GAB1: variants seen among roughly 807,000 people sequenced by gnomAD.
GAB1 encodes the protein GRB2 associated binding protein 1.
Under a neutral mutation model 66.5 loss-of-function variants are expected in GAB1, and 19 were observed. The ratio of observed to expected loss-of-function variants is 0.29; its 90% CI spans 0.20 to 0.42. The LOEUF is 0.42. Among genes scored for constraint, GAB1 ranks in the 10% least tolerant of loss-of-function variants. The pLI is 1.00. For synonymous variants in GAB1, 294 were observed against 301.4 expected (o/e 0.98, Z 0.25); for missense variants, 732 against 858.5 (o/e 0.85, Z 1.84).
chr4:143,337,906 C>G (rs148999474), intron 1 of GAB1, among the ~76,000 whole-genome samples: 5 of 152,272 alleles, frequency 3.3e-5, no homozygotes, highest in African/African-American at 1.2e-4. Flanking sequence ...GGCCCGGGAG[C>G]CTTGGCGGTT....
At chr4:143,363,191 C>G (rs954558311) in intron 1 of GAB1, among the ~76,000 whole-genome samples, 1 of 152,182 alleles carries the variant, frequency 6.6e-6, no homozygotes, top group Non-Finnish European at 1.5e-5. Flanking sequence ...GCACAGATAA[C>G]CTCCTTGATT....
intron 6 of GAB1, among the ~76,000 whole-genome samples, chr4:143,448,406 G>C (rs1191487197): frequency 1.3e-5 from 2 of 151,848 alleles, no homozygotes. Context: ...ATTCAGCTGT[G>C]AATCCATCTG....
intron 1 of GAB1, chr4:143,349,488 G>A: frequency 1.3e-6 from 2 of 1,521,912 alleles, no homozygotes; most frequent in Non-Finnish European, 1.8e-6. Context: ...GGGCTGGGGT[G>A]TAGCAGTCAT....
At chr4:143,391,464 A>G (rs1177398748) in intron 1 of GAB1, 1 of 152,244 alleles carries the variant, frequency 6.6e-6, no homozygotes, top group African/African-American at 2.4e-5. Context: ...GGGCAACAAG[A>G]AAGGCTTACT....
chr4:143,446,175 T>C (rs1734514657), intron 6 of GAB1, among the ~76,000 whole-genome samples: 1 of 152,112 alleles, frequency 6.6e-6, no homozygotes, highest in Non-Finnish European at 1.5e-5. Context: ...TGCCACATTT[T>C]CTTAATCCAG....
chr4:143,472,545 C>G lies in GAB1; in HGVS notation c.*3356C>G, dbSNP rs745911937. 2 of 152,180 alleles carry G rather than the reference C, an allele frequency of 1.3e-5. No individual in the cohort carries two copies. The highest frequency in any genetic ancestry group is 2.9e-5 in the Non-Finnish European group (2 of 68,036). The allele number at this position is 152,180 out of a possible 1,614,324, so 9.4% of individuals were successfully genotyped here. ...AAATATTAACTACTTTATGCCTACA[C>G]ACTATGCTGTAGATACTGATCATAA... On this transcript the variant is annotated 3_prime_UTR_variant, in exon 10 of 10. Transcript: ENST00000262994.
At chr4:143,376,553 C>A (rs912624879) in intron 1 of GAB1, among the ~76,000 whole-genome samples, 2 of 151,988 alleles carry the variant, frequency 1.3e-5, no homozygotes, top group African/African-American at 4.8e-5. Context: ...TGGCCTTTTT[C>A]AAAAAATGAC....
At chr4:143,399,146 A>G (rs1354510942) in intron 1 of GAB1, among the ~76,000 whole-genome samples, 1 of 152,218 alleles carries the variant, frequency 6.6e-6, no homozygotes, top group Non-Finnish European at 1.5e-5. Flanking sequence ...TGTTTTAGTT[A>G]TTCACGTCTA....
intron 1 of GAB1, among the ~76,000 whole-genome samples, chr4:143,351,501 G>A (rs981784875): frequency 6.6e-6 from 1 of 152,138 alleles, no homozygotes; most frequent in African/African-American, 2.4e-5. Context: ...GGGTCTGGGG[G>A]GTTTTTATAG....
intron 2 of GAB1, among the ~76,000 whole-genome samples, chr4:143,427,546 A>C (rs565974395): frequency 1.8e-4 from 27 of 150,738 alleles, no homozygotes; most frequent in African/African-American, 4.9e-4. Context: ...AAAAAAAAAA[A>C]ACAACAACAA....
intron 1 of GAB1, among the ~76,000 whole-genome samples, chr4:143,360,312 G>A (rs1183584874): frequency 2.6e-5 from 4 of 152,100 alleles, no homozygotes; most frequent in East Asian, 1.9e-4. Context: ...TGTTTCTTAC[G>A]TTATTTTTCT....
chr4:143,393,984 T>C (rs1010264162), intron 1 of GAB1, among the ~76,000 whole-genome samples: 3 of 152,120 alleles, frequency 2.0e-5, no homozygotes, highest in Admixed American at 1.3e-4. Context: ...ATGAGAAAGG[T>C]AGTCAGCAGC....
At chr4:143,461,135 T>G (rs1735472806) in intron 8 of GAB1, among the ~76,000 whole-genome samples, 1 of 152,236 alleles carries the variant, frequency 6.6e-6, no homozygotes, top group Non-Finnish European at 1.5e-5. Context: ...TTCAAATGTT[T>G]AAGAATACAA....
intron 3 of GAB1, 26 bp downstream of exon 3, chr4:143,433,742 GAGAGAC>G (rs1432865636): frequency 1.3e-6 from 2 of 1,539,172 alleles, no homozygotes; most frequent in African/African-American, 2.7e-5. Flanking sequence ...CCATGTGAGA[GAGAGAC>G]AGAGGCGTGT....
At chr4:143,409,243 A>G (rs1732227938) in intron 1 of GAB1, among the ~76,000 whole-genome samples, 1 of 152,218 alleles carries the variant, frequency 6.6e-6, no homozygotes, top group Admixed American at 6.5e-5. Flanking sequence ...AGACTGAAAA[A>G]GAAACAAGGA....
At chr4:143,384,088 A>T (rs76821757) in intron 1 of GAB1, among the ~76,000 whole-genome samples, 3,674 of 152,258 alleles carry the variant, frequency 0.024, 64 homozygotes, top group African/African-American at 0.047. Flanking sequence ...AGAAAAAAAA[A>T]AGATATGTGA....
chr4:143,418,617 C>T (rs1275524126), intron 2 of GAB1, among the ~76,000 whole-genome samples: 2 of 152,214 alleles, frequency 1.3e-5, no homozygotes, highest in African/African-American at 4.8e-5. Flanking sequence ...ACTTTTGTCT[C>T]TGTTGGTTGT....
intron 1 of GAB1, among the ~76,000 whole-genome samples, chr4:143,400,329 G>C (rs1486355695): frequency 2.0e-5 from 3 of 152,168 alleles, no homozygotes; most frequent in Non-Finnish European, 4.4e-5. Context: ...AGTGTGAAAA[G>C]GGGGGTGGTT....
chr4:143,364,285 C>T (rs553211166), intron 1 of GAB1, among the ~76,000 whole-genome samples: 15 of 151,940 alleles, frequency 9.9e-5, no homozygotes, highest in South Asian at 2.1e-4. Context: ...TTCCTTCCTA[C>T]GTGCATGGGC....
Sources: gnomAD v4.1 joint callset for allele counts (sites outside exome capture counted in the v4.1 genomes callset) on GRCh38, gnomAD v4.1.1 for gene constraint, MANE v1.5 for transcripts, NCBI Gene and HGNC (gene_info 2026-07-23, HGNC 2026-07-21) for gene names.